The following LIMA1 variants were observed in gnomAD, a reference collection of about 807,000 sequenced individuals.
LIMA1 encodes LIM domain and actin-binding protein 1.
LIMA1 carries 52 observed loss-of-function variants against 62.6 expected under a neutral mutation model. That is an observed-to-expected ratio of 0.83 (90% CI 0.67 to 1.05). LIMA1 has a LOEUF of 1.05. LIMA1 is among the 50% of genes least tolerant of loss of function. The pLI, the probability that LIMA1 is intolerant of heterozygous loss-of-function variation, is 0.00. For missense variants in LIMA1, 780 were observed against 902.2 expected, an observed-to-expected ratio of 0.86 and a Z score of 1.74; for synonymous variants, 302 against 317.8, an observed-to-expected ratio of 0.95 and a Z score of 0.53.
chr12:50,191,881 C>G (rs1940782194), intron 9 of LIMA1, among the ~76,000 whole-genome samples: 1 of 150,854 alleles, frequency 6.6e-6, no homozygotes, highest in Non-Finnish European at 1.5e-5. Context: ...TGGTGGCTTA[C>G]CCAGCACTTT....
chr12:50,183,061 G>A (rs1420000249), intron 9 of LIMA1, among the ~76,000 whole-genome samples: 1 of 152,056 alleles, frequency 6.6e-6, no homozygotes, highest in Admixed American at 6.5e-5. Flanking sequence ...AATTAGGCAG[G>A]CGTAGTGGTA....
intron 2 of LIMA1, among the ~76,000 whole-genome samples, chr12:50,245,493 C>CCAGT (rs1307685112): frequency 6.6e-6 from 1 of 151,650 alleles, no homozygotes; most frequent in Non-Finnish European, 1.5e-5. Context: ...TGATGTGGAC[C>CCAGT]CAGTGATCCT....
intron 7 of LIMA1, among the ~76,000 whole-genome samples, chr12:50,198,225 C>G: frequency 6.6e-6 from 1 of 152,104 alleles, no homozygotes; most frequent in East Asian, 1.9e-4. Context: ...AATATACCAT[C>G]CTACTTTGTA....
intron 4 of LIMA1, among the ~76,000 whole-genome samples, chr12:50,213,454 T>C (rs1051549164): frequency 6.6e-6 from 1 of 152,268 alleles, no homozygotes; most frequent in African/African-American, 2.4e-5. Context: ...GGCATATCAA[T>C]TAACTTCTCT....
chr12:50,237,545 G>A (rs528291440), intron 2 of LIMA1, among the ~76,000 whole-genome samples: 4 of 152,244 alleles, frequency 2.6e-5, no homozygotes, highest in East Asian at 3.9e-4. Flanking sequence ...GCTGAGGCAC[G>A]AGAATCCTTT....
At chr12:50,260,165 T>TA (rs1223389980) in intron 1 of LIMA1, among the ~76,000 whole-genome samples, 1 of 151,432 alleles carries the variant, frequency 6.6e-6, no homozygotes, top group Non-Finnish European at 1.5e-5. Context: ...TTTTTTTTTT[T>TA]AGACAGAGTT....
rs773512020 is a variant in LIMA1, at chr12:50,177,089, T to G, written c.2255A>C (p.Tyr752Ser). 15 of 1,590,666 alleles carry G rather than the reference T, an allele frequency of 9.4e-6. No individual in the cohort carries two copies. Among genetic ancestry groups the G allele is most frequent in the Non-Finnish European group, 1.3e-5 (15 of 1,169,450 alleles). ...TCACTCTTCATCCTCATCCTCATCA[T>G]AATACCGATTTCTCTTTATCTGTTC... is the stretch of plus-strand genomic sequence containing the variant. ...VEEQIKRNRY[Y>S]DEDEDEE is the part of the protein sequence containing the mutation. Residue 752 changes from tyrosine to serine, a missense_variant, in exon 11 of 11, where the codon TAT (tyrosine) becomes TCT (serine). Physicochemically the swap from Tyr to Ser is moderately radical, Grantham distance 144. Transcript: ENST00000341247.
chr12:50,177,738 T>C lies in LIMA1; in HGVS notation c.1606A>G (p.Thr536Ala). The part of the protein sequence containing the change: ...KKLRIAWPPP[T>A]ELGSSGSALE... ...GCACTTCCTGAACTTCCAAGTTCAG[T>C]GGGGGGTGGCCAGGCGATCCTCAGC... The change falls in exon 11 of 11, where the codon ACT becomes GCT. Residue 536 changes from threonine (T) to alanine (A), a missense_variant. Thr to Ala is a moderately conservative substitution (Grantham distance 58). Transcript: ENST00000341247. The C allele has an allele frequency of 1.2e-6, 2 of 1,614,006 alleles. No homozygotes were observed. The highest frequency in any genetic ancestry group is 1.7e-6 in the Non-Finnish European group (2 of 1,179,944).
chr12:50,211,502 T>C (rs922498098), intron 4 of LIMA1, among the ~76,000 whole-genome samples: 12 of 146,838 alleles, frequency 8.2e-5, no homozygotes, highest in Non-Finnish European at 1.6e-4. Flanking sequence ...AAAAAAAAAT[T>C]AGCCAGGCAT....
chr12:50,273,125 T>C (rs933247186), intron 1 of LIMA1, among the ~76,000 whole-genome samples: 4 of 151,982 alleles, frequency 2.6e-5, no homozygotes. Context: ...AGGCTAATTT[T>C]TGTAATTTTA....
rs1941612839 is a variant in LIMA1 at position 50,231,666 on chromosome 12, C to T, written c.164G>A (p.Ser55Asn). The change falls in exon 3 of 11, where the codon AGT becomes AAT. Residue 55 changes from serine (S) to asparagine (N), a missense_variant and splice_region_variant. Transcript: ENST00000341247. ...AEETNMEKKR[S>N]NTENLSQHFR... ...GCCCTGGAATTTCTGAATACTTACA[C>T]TTCTCTTCTTCTCCATGTTTGTTTC... is the stretch of plus-strand genomic sequence containing the variant. 1 of 1,614,008 alleles carries T rather than the reference C, an allele frequency of 6.2e-7. No homozygotes were observed. The highest frequency in any genetic ancestry group is 2.2e-5 in the East Asian group (1 of 44,886).
intron 4 of LIMA1, among the ~76,000 whole-genome samples, chr12:50,215,847 C>T (rs1369937783): frequency 1.3e-5 from 2 of 151,998 alleles, no homozygotes; most frequent in African/African-American, 4.8e-5. Flanking sequence ...GCTGGGAGTT[C>T]GAGACCAGCC....
At chr12:50,265,854 C>G (rs1942132628) in intron 1 of LIMA1, among the ~76,000 whole-genome samples, 1 of 151,994 alleles carries the variant, frequency 6.6e-6, no homozygotes, top group African/African-American at 2.4e-5. Flanking sequence ...AAAAAAACTT[C>G]AGTAGCCATG....
chr12:50,194,084 T>C (rs1414372969), intron 8 of LIMA1, among the ~76,000 whole-genome samples: 2 of 149,466 alleles, frequency 1.3e-5, no homozygotes. Context: ...ACCTCCTGGG[T>C]TCAAGCAATT....
In LIMA1 at chr12:50,190,552, G is replaced by A. The variant is rs1048239823; in HGVS notation, c.1140+1900C>T. 1.7e-3 allele frequency among the ~76,000 whole-genome samples: 86 copies of A among 49,486 alleles called. No individual in the cohort carries two copies. The East Asian group carries it at 0.036, about 21-fold the overall frequency. 32.5% of individuals were successfully genotyped at this position (49,486 alleles called of 152,430 possible). ...CCGGCTAATTTTTTTTTTTTTTTTT[G>A]TACTTTTAGTAGAGATGGGGTTTCT... On this transcript the variant is annotated intron_variant, in intron 9 of 10. Coordinates refer to ENST00000341247, the MANE Select transcript of LIMA1 (RefSeq NM_016357.5).
intron 7 of LIMA1, 69 bp downstream of exon 7, chr12:50,200,708 T>G: frequency 9.9e-6 from 15 of 1,522,018 alleles, no homozygotes; most frequent in African/African-American, 1.4e-5. Flanking sequence ...TAGAGTTGTT[T>G]CTAATTTCAA....
intron 1 of LIMA1, among the ~76,000 whole-genome samples, chr12:50,263,842 A>G (rs1356459294): frequency 1.9e-5 from 2 of 103,892 alleles, no homozygotes; most frequent in Admixed American, 2.1e-4. Flanking sequence ...GAGTATATAT[A>G]TATATATATA....
At chr12:50,261,769 C>T (rs960454842) in intron 1 of LIMA1, among the ~76,000 whole-genome samples, 1 of 152,010 alleles carries the variant, frequency 6.6e-6, no homozygotes, top group Admixed American at 6.6e-5. Flanking sequence ...TGGGCTCAAG[C>T]GATCCTCCCA....
chr12:50,215,674 C>T (rs1213622680), intron 4 of LIMA1, among the ~76,000 whole-genome samples: 1 of 151,962 alleles, frequency 6.6e-6, no homozygotes, highest in Non-Finnish European at 1.5e-5. Context: ...GGGGTTTCAC[C>T]GTGTTATCCA....
Sources: gnomAD v4.1 joint callset for allele counts (sites outside exome capture counted in the v4.1 genomes callset) on GRCh38, gnomAD v4.1.1 for gene constraint, MANE v1.5 for transcripts, NCBI Gene and HGNC (gene_info 2026-07-23, HGNC 2026-07-21) for gene names.